Variants in RASEF observed in about 807,000 individuals in gnomAD.
The protein encoded by RASEF is ras and EF-hand domain-containing protein.
RASEF carries 68 observed loss-of-function variants against 90.1 expected under a neutral mutation model. The ratio of observed to expected loss-of-function variants is 0.75; its 90% confidence interval spans 0.62 to 0.92. The LOEUF (loss-of-function observed/expected upper bound fraction) is 0.92, where lower values mean the gene tolerates loss of function less well. Among genes scored for constraint, RASEF ranks in the 40% least tolerant of loss-of-function variants. The pLI is 0.00. For synonymous variants in RASEF, 331 were observed against 345.2 expected (o/e 0.96, Z 0.46); for missense variants, 949 against 937.2 (o/e 1.01, Z -0.16).
upstream of RASEF, among the ~76,000 whole-genome samples, chr9:83,067,654 T>A (rs1317786589): frequency 6.6e-6 from 1 of 152,226 alleles, no homozygotes; most frequent in Non-Finnish European, 1.5e-5. Flanking sequence ...AAATTAAGTA[T>A]CTGTAATGTT....
At chr9:83,146,366 C>T in the RASEF span, among the ~76,000 whole-genome samples, 7 of 152,224 alleles carry the variant, frequency 4.6e-5, no homozygotes, top group Middle Eastern at 3.4e-3. Context: ...CTACTATGTG[C>T]TATGTTTCTC....
the RASEF span, among the ~76,000 whole-genome samples, chr9:83,196,644 T>G: frequency 6.6e-6 from 1 of 152,332 alleles, no homozygotes; most frequent in South Asian, 2.1e-4. Flanking sequence ...GATGCTGACT[T>G]GAACCCATAA....
the RASEF span, among the ~76,000 whole-genome samples, chr9:83,160,056 C>T: frequency 1.3e-5 from 2 of 152,334 alleles, no homozygotes; most frequent in African/African-American, 4.8e-5. Context: ...AAACCTCTTT[C>T]TTTTGTAAAT....
chr9:83,141,143 C>CAAA, the RASEF span, among the ~76,000 whole-genome samples: 674 of 108,834 alleles, frequency 6.2e-3, 8 homozygotes, highest in African/African-American at 0.013. Context: ...AATTCCATCT[C>CAAA]AAAAAAAAAA....
rs1564072635 is a variant in RASEF, at chr9:83,000,914, A to T, written c.1419T>A (p.Gly473=). The T allele has an allele frequency of 3.7e-6, 6 of 1,613,708 alleles. No individual in the cohort carries two copies. Among genetic ancestry groups the T allele is most frequent in the African/African-American group, 2.7e-5 (2 of 74,872 alleles). ...RSHGVQESFG[G]DASDTDVPDI... ...GGCTTACATCTGTGTCTGAAGCATC[A>T]CCTCCAAAGCTCTCCTGCACCCCGT... The change falls in exon 10 of 17, where the codon GGT becomes GGA. Residue 473 remains glycine, a synonymous_variant. Transcript: ENST00000376447.
the RASEF span, among the ~76,000 whole-genome samples, chr9:83,104,869 G>T: frequency 1.3e-5 from 2 of 152,138 alleles, no homozygotes; most frequent in African/African-American, 4.8e-5. Flanking sequence ...TGAAATACGG[G>T]TCACATTATT....
the RASEF span, among the ~76,000 whole-genome samples, chr9:83,115,875 C>T: frequency 2.0e-5 from 3 of 150,498 alleles, no homozygotes; most frequent in Admixed American, 6.6e-5. Context: ...AAAATATTTG[C>T]TAAATTGCTA....
the RASEF span, among the ~76,000 whole-genome samples, chr9:83,216,577 G>A: frequency 3.9e-5 from 6 of 152,288 alleles, no homozygotes; most frequent in Admixed American, 2.0e-4. Flanking sequence ...ACACCTGAAC[G>A]TCCACGCAGA....
the RASEF span, among the ~76,000 whole-genome samples, chr9:83,133,484 A>G: frequency 6.6e-6 from 1 of 152,046 alleles, no homozygotes; most frequent in African/African-American, 2.4e-5. Flanking sequence ...GGAGTTACTC[A>G]TCTGATTCCC....
the RASEF span, among the ~76,000 whole-genome samples, chr9:83,217,398 G>T: frequency 6.6e-6 from 1 of 152,060 alleles, no homozygotes; most frequent in Admixed American, 6.6e-5. Context: ...AGAAGCCAGG[G>T]GCAGAATGAT....
At chr9:83,049,316 T>C in intron 1 of RASEF, 1 of 985,352 alleles carries the variant, frequency 1.0e-6, no homozygotes. Context: ...TCAGCTAACC[T>C]GACGGGGATG....
intron 1 of RASEF, among the ~76,000 whole-genome samples, chr9:83,056,751 A>G (rs1263492058): frequency 7.2e-5 from 11 of 152,252 alleles, no homozygotes. Context: ...CTGGGAGTAC[A>G]GTCTCCCTGG....
At chr9:83,037,956 T>C (rs113072971) in intron 1 of RASEF, among the ~76,000 whole-genome samples, 20 of 151,914 alleles carry the variant, frequency 1.3e-4, no homozygotes, top group African/African-American at 4.8e-4. Flanking sequence ...ATGATAAGAG[T>C]TCAAATGTAC....
chr9:83,119,603 A>T, the RASEF span, among the ~76,000 whole-genome samples: 1 of 151,802 alleles, frequency 6.6e-6, no homozygotes, highest in Non-Finnish European at 1.5e-5. Flanking sequence ...CAGCTGCACC[A>T]CTCTCTTTAC....
chr9:83,142,434 ATAGT>A, the RASEF span, among the ~76,000 whole-genome samples: 3 of 152,230 alleles, frequency 2.0e-5, no homozygotes, highest in African/African-American at 7.2e-5. Context: ...TGCATTTTAG[ATAGT>A]TTGATTTGTA....
intron 8 of RASEF, 148 bp downstream of exon 8, chr9:83,005,268 C>T (rs1484975914): frequency 2.6e-5 from 16 of 613,220 alleles, no homozygotes; most frequent in East Asian, 1.4e-4. Flanking sequence ...TGGAAAAATG[C>T]TGCCTCGTTT....
At chr9:83,175,267 C>G in the RASEF span, among the ~76,000 whole-genome samples, 8 of 152,244 alleles carry the variant, frequency 5.3e-5, no homozygotes, top group African/African-American at 1.7e-4. Context: ...TTTATGCAAG[C>G]TGAGGAGGTT....
chr9:83,062,372 A>C (rs1304451220), intron 1 of RASEF, 65 bp downstream of exon 1: 2 of 1,535,518 alleles, frequency 1.3e-6, no homozygotes, highest in Non-Finnish European at 1.8e-6. Flanking sequence ...CACACCTGCA[A>C]GTAAGTGGGA....
the RASEF span, among the ~76,000 whole-genome samples, chr9:83,195,031 A>G: frequency 1.3e-5 from 2 of 152,114 alleles, no homozygotes; most frequent in African/African-American, 4.8e-5. Flanking sequence ...ACTGCCCCTC[A>G]CTTTCTGCGC....
Sources: allele counts gnomAD v4.1 joint callset (sites outside exome capture counted in the v4.1 genomes callset), GRCh38; gene constraint gnomAD v4.1.1; transcripts MANE v1.5; gene names NCBI Gene and HGNC (gene_info 2026-07-23, HGNC 2026-07-21).